The following HMGB1 variants were observed in gnomAD, a reference collection of about 807,000 sequenced individuals.
HMGB1 encodes the protein high mobility group protein B1.
For synonymous variants in HMGB1, 81 were observed against 84.0 expected, an observed-to-expected ratio of 0.96 and a Z score of 0.19; for missense variants, 79 against 253.5, an observed-to-expected ratio of 0.31 and a Z score of 4.67.
intron 1 of HMGB1, among the ~76,000 whole-genome samples, chr13:30,521,481 T>C (rs750198726): frequency 2.0e-5 from 3 of 152,216 alleles, no homozygotes; most frequent in Non-Finnish European, 4.4e-5. Flanking sequence ...ATGTGGTCTT[T>C]TGTGACTGGC....
rs768430647 is a variant in HMGB1, at chr13:30,462,598, A to C, written c.411T>G (p.Ala137=). 1 of 1,610,674 alleles carries C rather than the reference A, an allele frequency of 6.2e-7. No individual in the cohort carries two copies. Among genetic ancestry groups the C allele is most frequent in the African/African-American group, 1.3e-5 (1 of 74,872 alleles). The change falls in exon 4 of 5, where the codon GCT becomes GCG. Residue 137 remains alanine, a synonymous_variant. Transcript: ENST00000341423. ...KKLGEMWNNT[A]ADDKQPYEKK... ...TTTCATAAGGCTGCTTGTCATCTGC[A>C]GCAGTGTTATTCCACATCTCTCCCA...
chr13:30,509,309 G>C (rs1232752504), intron 1 of HMGB1, among the ~76,000 whole-genome samples: 1 of 151,674 alleles, frequency 6.6e-6, no homozygotes, highest in Non-Finnish European at 1.5e-5. Flanking sequence ...TGTGATCTTG[G>C]CTCACTGCAA....
At chr13:30,613,885 T>C (rs1950535930) in intron 1 of HMGB1, among the ~76,000 whole-genome samples, 1 of 150,188 alleles carries the variant, frequency 6.7e-6, no homozygotes, top group Non-Finnish European at 1.5e-5. Flanking sequence ...TGCTCTTTAA[T>C]AAAGATCTGG....
At chr13:30,551,668 G>A (rs1010465158) in intron 1 of HMGB1, among the ~76,000 whole-genome samples, 5 of 152,088 alleles carry the variant, frequency 3.3e-5, no homozygotes, top group African/African-American at 1.2e-4. Flanking sequence ...TCTCTATCAT[G>A]AGCATTTATG....
chr13:30,477,205 G>T (rs1405739104), intron 1 of HMGB1, among the ~76,000 whole-genome samples: 1 of 152,136 alleles, frequency 6.6e-6, no homozygotes, highest in East Asian at 1.9e-4. Context: ...CTTTGAATAG[G>T]ACCCTTACAG....
In HMGB1 at chr13:30,463,517, T is replaced by A; in HGVS notation, c.150+14A>T. On this transcript the variant is annotated intron_variant, in intron 2 of 4. Coordinates refer to ENST00000341423, the MANE Select transcript of HMGB1 (RefSeq NM_002128.7). ...CTTTTAATTACCTTGTTAGCATGTT[T>A]TAAGCCCTCTTACCTTCCACCTCTC... 2 of 1,607,090 alleles carry A rather than the reference T, an allele frequency of 1.2e-6. No homozygotes were observed. Among genetic ancestry groups the A allele is most frequent in the Non-Finnish European group, 1.7e-6 (2 of 1,177,508 alleles).
Position 30,461,146 on chromosome 13 carries a change from A to C in HMGB1, c.*211T>G. The C allele has an allele frequency of 7.6e-7, 1 of 1,316,130 alleles. No individual in the cohort carries two copies. The highest frequency in any genetic ancestry group is 9.7e-7 in the Non-Finnish European group (1 of 1,030,378). The allele number at this position is 1,316,130 out of a possible 1,614,324, so 81.5% of individuals were successfully genotyped here. On this transcript the variant is annotated 3_prime_UTR_variant, in exon 5 of 5. Coordinates refer to ENST00000341423, the MANE Select transcript of HMGB1 (RefSeq NM_002128.7). Reference sequence around the variant, plus strand: ...TACAACCCCCATACTGTACCAGGCAAGGTTAGTGGCTATTGAAAATACCAC... The same window carrying C: ...TACAACCCCCATACTGTACCAGGCACGGTTAGTGGCTATTGAAAATACCAC...
At chr13:30,498,176 T>C (rs529804907) in intron 1 of HMGB1, among the ~76,000 whole-genome samples, 3 of 152,272 alleles carry the variant, frequency 2.0e-5, no homozygotes, top group East Asian at 1.9e-4. Context: ...TAGTATCTCA[T>C]TGGGGTTTTG....
At chr13:30,613,107 A>C (rs1408167) in intron 1 of HMGB1, among the ~76,000 whole-genome samples, 76,622 of 151,660 alleles carry the variant, frequency 0.51, 22,405 homozygotes, top group African/African-American at 0.81. Flanking sequence ...TTCTGACAGT[A>C]TGGTCTCTGT....
At chr13:30,472,511 G>C (rs1337362354) in intron 1 of HMGB1, among the ~76,000 whole-genome samples, 1 of 152,196 alleles carries the variant, frequency 6.6e-6, no homozygotes, top group Non-Finnish European at 1.5e-5. Context: ...TGAGGCATGA[G>C]AATCGCTTGA....
At position 30,459,814 on chromosome 13, in the gene HMGB1, ATCTTAAGT is replaced by A. The variant is rs1227712143; in HGVS notation, c.*1535_*1542del. The A allele has an allele frequency of 2.0e-5, 3 of 152,470 alleles. No individual in the cohort carries two copies. The highest frequency in any genetic ancestry group is 6.5e-5 in the Admixed American group (1 of 15,280). 9.4% of individuals were successfully genotyped at this position (152,470 alleles called of 1,614,324 possible). ...ACAAGATTTAAAAATATGTAACAAA[ATCTTAAGT>A]TCTTAAGTGAAAGCCATTTAACTAG... On this transcript the variant is annotated 3_prime_UTR_variant, in exon 5 of 5. Transcript: ENST00000341423.
At chr13:30,568,784 G>A (rs1488053101) in intron 1 of HMGB1, among the ~76,000 whole-genome samples, 3 of 152,128 alleles carry the variant, frequency 2.0e-5, no homozygotes, top group African/African-American at 7.2e-5. Context: ...CTGGCCTCCA[G>A]GACTGTGAAG....
At chr13:30,523,613 T>C (rs1888287473) in intron 1 of HMGB1, among the ~76,000 whole-genome samples, 1 of 152,208 alleles carries the variant, frequency 6.6e-6, no homozygotes, top group African/African-American at 2.4e-5. Flanking sequence ...CTGCATATGC[T>C]GGTGTGGTTG....
At chr13:30,608,835 G>A (rs1196596648) in intron 1 of HMGB1, among the ~76,000 whole-genome samples, 4 of 152,158 alleles carry the variant, frequency 2.6e-5, no homozygotes, top group Non-Finnish European at 5.9e-5. Flanking sequence ...TCCAAACACA[G>A]GCAGATAAAA....
At chr13:30,510,455 G>C (rs987847420) in intron 1 of HMGB1, among the ~76,000 whole-genome samples, 4 of 151,592 alleles carry the variant, frequency 2.6e-5, no homozygotes, top group Non-Finnish European at 5.9e-5. Flanking sequence ...TAAACCTCTG[G>C]GAAAAAAAAG....
chr13:30,584,658 T>C (rs2137546178), intron 1 of HMGB1, among the ~76,000 whole-genome samples: 1 of 152,360 alleles, frequency 6.6e-6, no homozygotes, highest in Non-Finnish European at 1.5e-5. Flanking sequence ...ATGAACACTT[T>C]GAAATGTAAT....
chr13:30,464,513 GGA>G (rs200542571), intron 1 of HMGB1: 3 of 984,882 alleles, frequency 3.0e-6, no homozygotes, highest in Non-Finnish European at 3.6e-6. Context: ...GCGCGGCCGA[GGA>G]GAGAGGACGC....
intron 1 of HMGB1, among the ~76,000 whole-genome samples, chr13:30,511,710 C>A (rs1887996049): frequency 6.6e-6 from 1 of 152,168 alleles, no homozygotes; most frequent in Admixed American, 6.5e-5. Context: ...TCCCATCTAT[C>A]TCCCTTGCCC....
At chr13:30,538,080 T>C (rs1382858570) in intron 1 of HMGB1, among the ~76,000 whole-genome samples, 1 of 152,154 alleles carries the variant, frequency 6.6e-6, no homozygotes, top group East Asian at 1.9e-4. Flanking sequence ...AAGATCATAG[T>C]TCCAGCTGCA....
Sources: allele counts gnomAD v4.1 joint callset (sites outside exome capture counted in the v4.1 genomes callset), GRCh38; gene constraint gnomAD v4.1.1; transcripts MANE v1.5; gene names NCBI Gene and HGNC (gene_info 2026-07-23, HGNC 2026-07-21).